Variants in ROR2 observed in about 807,000 individuals in gnomAD.
ROR2 encodes ROR family WNT receptor 2.
Under a neutral mutation model 74.9 loss-of-function variants are expected in ROR2, and 33 were observed. The observed-to-expected ratio is 0.44, with a 90% CI of 0.33 to 0.59. The LOEUF (loss-of-function observed/expected upper bound fraction) is 0.59. Among genes scored for constraint, ROR2 ranks in the 20% least tolerant of loss-of-function variants. The pLI is 0.02. For missense variants in ROR2, 1,216 were observed against 1,313.8 expected (o/e 0.93, Z 1.15); for synonymous variants, 586 against 558.7 (o/e 1.05, Z -0.69).
At position 91,757,627 on chromosome 9, in the gene ROR2, C is replaced by G. The variant is rs1442123516; in HGVS notation, c.176-68G>C. 1.9e-6 allele frequency: 3 copies of G among 1,557,458 alleles called. No homozygotes were observed. In the African/African-American group the frequency reaches 4.1e-5, roughly 21 times the overall value. On this transcript the variant is annotated intron_variant, in intron 2 of 8. Coordinates refer to ENST00000375708, the MANE Select transcript of ROR2 (RefSeq NM_004560.4). ...GCTGGAAGGAAGGGCTACCTGGGGGCTCTGCTATGAACTCTTCCAAGGGAA... is the reference window on the plus strand; with the variant it reads ...GCTGGAAGGAAGGGCTACCTGGGGGGTCTGCTATGAACTCTTCCAAGGGAA...
At chr9:91,770,582 G>GA (rs1826196023) in intron 2 of ROR2, among the ~76,000 whole-genome samples, 1 of 152,206 alleles carries the variant, frequency 6.6e-6, no homozygotes, top group African/African-American at 2.4e-5. Flanking sequence ...TGCACGCTCA[G>GA]AACAACTAAC....
chr9:91,893,938 T>C (rs1830481053), intron 1 of ROR2, among the ~76,000 whole-genome samples: 1 of 152,210 alleles, frequency 6.6e-6, no homozygotes, highest in African/African-American at 2.4e-5. Context: ...ATCTCCAGAA[T>C]TCTTTTCACT....
intron 1 of ROR2, among the ~76,000 whole-genome samples, chr9:91,892,714 T>G (rs1371793738): frequency 1.3e-5 from 2 of 149,688 alleles, no homozygotes; most frequent in Non-Finnish European, 3.0e-5. Context: ...CTCAGCCCCC[T>G]GAGTAGCTGG....
intron 1 of ROR2, among the ~76,000 whole-genome samples, chr9:91,779,531 C>T (rs12237573): frequency 0.065 from 9,837 of 151,922 alleles, 563 homozygotes; most frequent in Admixed American, 0.17. Context: ...CCACCACGCC[C>T]GGCTAATTTT....
At chr9:91,740,035 C>G (rs1167918637) in intron 4 of ROR2, among the ~76,000 whole-genome samples, 1 of 152,194 alleles carries the variant, frequency 6.6e-6, no homozygotes, top group African/African-American at 2.4e-5. Flanking sequence ...TTGGGATGCC[C>G]CCACAAGTGT....
intron 1 of ROR2, among the ~76,000 whole-genome samples, chr9:91,787,622 G>A (rs1826843510): frequency 6.6e-6 from 1 of 152,088 alleles, no homozygotes; most frequent in South Asian, 2.1e-4. Flanking sequence ...AAGGAAAGCT[G>A]CTAAACTAAC....
chr9:91,871,188 C>G (rs1267577029), intron 1 of ROR2, among the ~76,000 whole-genome samples: 1 of 152,266 alleles, frequency 6.6e-6, no homozygotes, highest in Non-Finnish European at 1.5e-5. Flanking sequence ...TGTCTCTCCT[C>G]TGAAGAGTCT....
chr9:91,736,178 G>A (rs1825019376), intron 5 of ROR2, among the ~76,000 whole-genome samples: 1 of 152,126 alleles, frequency 6.6e-6, no homozygotes, highest in Admixed American at 6.5e-5. Flanking sequence ...GGAACAGGAT[G>A]GCATCTCCAG....
At chr9:91,827,684 G>A (rs1587759272) in intron 1 of ROR2, among the ~76,000 whole-genome samples, 1 of 152,162 alleles carries the variant, frequency 6.6e-6, no homozygotes, top group Admixed American at 6.5e-5. Flanking sequence ...TCAGTCCAAT[G>A]TACAGATCGG....
chr9:91,759,662 C>T (rs191844276), intron 2 of ROR2, among the ~76,000 whole-genome samples: 2 of 152,304 alleles, frequency 1.3e-5, no homozygotes, highest in East Asian at 1.9e-4. Flanking sequence ...ATCTGGGCTG[C>T]CCATCCCAGC....
chr9:91,906,552 G>A (rs113564512), intron 1 of ROR2, among the ~76,000 whole-genome samples: 1,872 of 152,138 alleles, frequency 0.012, 43 homozygotes, highest in African/African-American at 0.042. Flanking sequence ...CCTTCCAAGA[G>A]CCACCTCCAC....
At chr9:91,949,453 G>A (rs1457494783) in intron 1 of ROR2, among the ~76,000 whole-genome samples, 1 of 152,032 alleles carries the variant, frequency 6.6e-6, no homozygotes, top group Non-Finnish European at 1.5e-5. Context: ...GACACTCGGG[G>A]CCGTGTGCCC....
intron 2 of ROR2, 22 bp from the exon 3 acceptor site, chr9:91,757,581 A>G: frequency 6.2e-7 from 1 of 1,610,592 alleles, no homozygotes; most frequent in Non-Finnish European, 8.5e-7. Flanking sequence ...AGCGGTCACA[A>G]AAGAGCAAGC....
At chr9:91,829,353 G>A (rs1828388388) in intron 1 of ROR2, among the ~76,000 whole-genome samples, 1 of 151,892 alleles carries the variant, frequency 6.6e-6, no homozygotes, top group Non-Finnish European at 1.5e-5. Context: ...GACCAGCCTG[G>A]GCAACACGGT....
At chr9:91,804,372 C>T (rs1387724854) in intron 1 of ROR2, among the ~76,000 whole-genome samples, 1 of 152,170 alleles carries the variant, frequency 6.6e-6, no homozygotes, top group Non-Finnish European at 1.5e-5. Context: ...GTGTGCCAGC[C>T]CCACAGCTGC....
intron 1 of ROR2, among the ~76,000 whole-genome samples, chr9:91,912,567 T>A (rs972405664): frequency 2.0e-5 from 3 of 152,210 alleles, no homozygotes; most frequent in Non-Finnish European, 4.4e-5. Context: ...CTTCTGTGTA[T>A]TCTTCTGCCA....
At chr9:91,931,647 A>G (rs77999883) in intron 1 of ROR2, among the ~76,000 whole-genome samples, 7,717 of 152,112 alleles carry the variant, frequency 0.051, 234 homozygotes, top group African/African-American at 0.082. Context: ...CCTAAAACCA[A>G]AACATAGCAG....
At chr9:91,856,236 G>C (rs1337240720) in intron 1 of ROR2, among the ~76,000 whole-genome samples, 1 of 152,154 alleles carries the variant, frequency 6.6e-6, no homozygotes, top group Non-Finnish European at 1.5e-5. Context: ...TGTGCCTGTA[G>C]TCCCAGCTAC....
intron 1 of ROR2, among the ~76,000 whole-genome samples, chr9:91,926,382 CA>C (rs34847971): frequency 0.38 from 52,117 of 136,946 alleles, 10,166 homozygotes; most frequent in African/African-American, 0.55. Flanking sequence ...GACTCCGTCT[CA>C]AAAAAAAAAA....
Sources: allele counts gnomAD v4.1 joint callset (sites outside exome capture counted in the v4.1 genomes callset), GRCh38; gene constraint gnomAD v4.1.1; transcripts MANE v1.5; gene names NCBI Gene and HGNC (gene_info 2026-07-23, HGNC 2026-07-21).